The following DOCK4 variants were observed in gnomAD, a reference collection of about 807,000 sequenced individuals.
DOCK4 encodes dedicator of cytokinesis protein 4.
Under a neutral mutation model 268.1 loss-of-function variants are expected in DOCK4, and 97 were observed. The ratio of observed to expected loss-of-function variants is 0.36; its 90% CI spans 0.31 to 0.43. DOCK4 has a LOEUF of 0.43. DOCK4 is among the 20% of genes least tolerant of loss of function. DOCK4 has a pLI of 1.00. For synonymous variants in DOCK4, 954 were observed against 887.2 expected (o/e 1.08, Z -1.34); for missense variants, 2,145 against 2,455.7 (o/e 0.87, Z 2.67).
chr7:111,885,233 G>A (rs1159497176), intron 16 of DOCK4, among the ~76,000 whole-genome samples: 1 of 152,192 alleles, frequency 6.6e-6, no homozygotes, highest in African/African-American at 2.4e-5. Context: ...GCAGATGTGA[G>A]ATTCTTGTGC....
At chr7:112,178,092 A>G (rs1215891342) in intron 1 of DOCK4, among the ~76,000 whole-genome samples, 1 of 152,016 alleles carries the variant, frequency 6.6e-6, no homozygotes, top group African/African-American at 2.4e-5. Flanking sequence ...CATCAGTATC[A>G]CTCTCTCATT....
chr7:112,125,241 C>T (rs528807468), intron 1 of DOCK4, among the ~76,000 whole-genome samples: 4 of 152,208 alleles, frequency 2.6e-5, no homozygotes, highest in African/African-American at 9.7e-5. Flanking sequence ...AATGCTCCCC[C>T]CCTGCCCCAT....
chr7:112,012,631 T>C (rs1197503155), intron 1 of DOCK4, among the ~76,000 whole-genome samples: 1 of 152,146 alleles, frequency 6.6e-6, no homozygotes, highest in African/African-American at 2.4e-5. Context: ...TTCCAACCAA[T>C]TGTACTTAAT....
At chr7:112,117,252 T>C (rs1391238306) in intron 1 of DOCK4, among the ~76,000 whole-genome samples, 1 of 152,226 alleles carries the variant, frequency 6.6e-6, no homozygotes, top group East Asian at 1.9e-4. Context: ...ACAAATAAAC[T>C]TCAGGTCTTT....
chr7:111,741,050 C>A lies in DOCK4; in HGVS notation c.5040+44G>T, dbSNP rs751603284. ...TGAACAGAAACACTCATGATTGAGA[C>A]AGAAAAGGAATAAACACAACCAGAC... On this transcript the variant is annotated intron_variant, in intron 47 of 52. Coordinates refer to ENST00000428084, the MANE Select transcript of DOCK4 (RefSeq NM_001363540.2). 7 of 1,607,964 alleles carry A rather than the reference C, an allele frequency of 4.4e-6. No homozygotes were observed. The South Asian group carries it at 6.7e-5, about 15-fold the overall frequency.
intron 25 of DOCK4, among the ~76,000 whole-genome samples, chr7:111,835,017 A>G (rs182093369): frequency 6.6e-6 from 1 of 152,274 alleles, no homozygotes; most frequent in East Asian, 1.9e-4. Flanking sequence ...TCATTTACTG[A>G]GCATTTAACA....
intron 1 of DOCK4, among the ~76,000 whole-genome samples, chr7:112,137,689 A>G (rs1814491242): frequency 6.6e-6 from 1 of 152,176 alleles, no homozygotes; most frequent in African/African-American, 2.4e-5. Flanking sequence ...CCCTTCCTCA[A>G]TGGCTAATCT....
chr7:111,807,881 G>A (rs909721283), intron 30 of DOCK4: 1 of 150,240 alleles, frequency 6.7e-6, no homozygotes, highest in African/African-American at 2.5e-5. Context: ...ATGTATATTT[G>A]AGGAATATAC....
At chr7:112,188,114 A>G (rs1819625410) in intron 1 of DOCK4, among the ~76,000 whole-genome samples, 1 of 152,240 alleles carries the variant, frequency 6.6e-6, no homozygotes, top group South Asian at 2.1e-4. Context: ...ACCAAGTACT[A>G]TAGGGAATTG....
At chr7:111,787,478 T>C (rs1799250410) in intron 32 of DOCK4, among the ~76,000 whole-genome samples, 1 of 152,256 alleles carries the variant, frequency 6.6e-6, no homozygotes, top group Non-Finnish European at 1.5e-5. Flanking sequence ...CTGTTCAGAA[T>C]CCAGTACAAA....
At chr7:112,114,723 A>G (rs1273546238) in intron 1 of DOCK4, among the ~76,000 whole-genome samples, 1 of 144,008 alleles carries the variant, frequency 6.9e-6, no homozygotes, top group Admixed American at 7.1e-5. Context: ...GGACATTCTT[A>G]AGTGAAACTC....
At chr7:112,097,626 C>G (rs259301) in intron 1 of DOCK4, among the ~76,000 whole-genome samples, 53,757 of 152,000 alleles carry the variant, frequency 0.35, 10,225 homozygotes, top group Non-Finnish European at 0.43. Flanking sequence ...ATATGTTTGA[C>G]TAATATTTTT....
At chr7:112,080,891 C>A (rs1354694958) in intron 1 of DOCK4, among the ~76,000 whole-genome samples, 2 of 152,130 alleles carry the variant, frequency 1.3e-5, no homozygotes, top group South Asian at 2.1e-4. Context: ...ATAATATTTA[C>A]ACTTATGTCA....
chr7:111,728,858 AAGG>A (rs1199297417), intron 52 of DOCK4, 138 bp from the exon 53 acceptor site: 13 of 769,978 alleles, frequency 1.7e-5, no homozygotes, highest in African/African-American at 1.6e-4. Context: ...TGCAGCCTTT[AAGG>A]AGGTGATTAA....
chr7:112,081,562 G>A (rs1808587568), intron 1 of DOCK4, among the ~76,000 whole-genome samples: 1 of 152,102 alleles, frequency 6.6e-6, no homozygotes, highest in Admixed American at 6.6e-5. Flanking sequence ...AAGATCCCAG[G>A]AGGAAAGTCA....
At chr7:112,136,951 T>C (rs1325855192) in intron 1 of DOCK4, among the ~76,000 whole-genome samples, 1 of 151,836 alleles carries the variant, frequency 6.6e-6, no homozygotes, top group Non-Finnish European at 1.5e-5. Context: ...GGCAAAAAGG[T>C]GGGGAAGATG....
At chr7:112,041,494 A>G (rs10279995) in intron 1 of DOCK4, among the ~76,000 whole-genome samples, 13,198 of 152,214 alleles carry the variant, frequency 0.087, 973 homozygotes, top group East Asian at 0.39. Context: ...ATGGATAAAA[A>G]ACAATTTCAA....
intron 23 of DOCK4, among the ~76,000 whole-genome samples, chr7:111,853,466 T>C (rs1488140590): frequency 1.3e-5 from 2 of 152,180 alleles, no homozygotes; most frequent in Non-Finnish European, 2.9e-5. Flanking sequence ...TGGGCCTCTG[T>C]GATCAAAGCC....
chr7:111,834,693 T>TAA lies in DOCK4; in HGVS notation c.2737-9_2737-8dup, dbSNP rs3214145. ...GACAAGCAACAAACTCCCCCTAAGT[T>TAA]AAAAAAAAAAAAAGCATACATTTTA... On this transcript the variant is annotated splice_region_variant and splice_polypyrimidine_tract_variant and intron_variant, in intron 25 of 52. Transcript: ENST00000428084. The TAA allele has an allele frequency of 3.7e-5, 50 of 1,367,050 alleles. No homozygotes were observed. The highest frequency in any genetic ancestry group is 9.9e-5 in the South Asian group (7 of 70,612). 84.7% of individuals were successfully genotyped at this position (1,367,050 alleles called of 1,614,324 possible). A position where few individuals can be genotyped will look rare whatever the true frequency, so the allele number is the denominator to read the frequency against.
Sources: allele counts gnomAD v4.1 joint callset (sites outside exome capture counted in the v4.1 genomes callset), GRCh38; gene constraint gnomAD v4.1.1; transcripts MANE v1.5; gene names NCBI Gene and HGNC (gene_info 2026-07-23, HGNC 2026-07-21).